The following SGCZ variants were observed in gnomAD, a reference collection of about 807,000 sequenced individuals.
SGCZ encodes the protein zeta-sarcoglycan.
A neutral mutation model predicts 41.3 loss-of-function variants in SGCZ; 40 were observed. The observed-to-expected ratio is 0.97, with a 90% CI of 0.75 to 1.26. The LOEUF is 1.26. SGCZ is among the 50% of genes most tolerant of loss of function. The probability of loss-of-function intolerance (pLI) is 0.00; values close to 1 mark genes in which losing one functional copy is unlikely to be tolerated. For missense variants in SGCZ, 552 were observed against 369.8 expected, an observed-to-expected ratio of 1.49 and a Z score of -4.04; for synonymous variants, 206 against 137.5, an observed-to-expected ratio of 1.50 and a Z score of -3.49.
intron 2 of SGCZ, among the ~76,000 whole-genome samples, chr8:14,509,008 G>C (rs183540916): frequency 6.6e-6 from 1 of 152,160 alleles, no homozygotes; most frequent in East Asian, 1.9e-4. Flanking sequence ...AGGTTTTTTA[G>C]TGTTAATATC....
At chr8:15,115,964 G>C (rs1451043582) in intron 1 of SGCZ, among the ~76,000 whole-genome samples, 2 of 152,186 alleles carry the variant, frequency 1.3e-5, no homozygotes, top group Non-Finnish European at 2.9e-5. Context: ...CACATAGAAA[G>C]TATTTTAGGT....
At chr8:14,266,685 CTT>C (rs1799879545) in intron 3 of SGCZ, among the ~76,000 whole-genome samples, 1 of 152,058 alleles carries the variant, frequency 6.6e-6, no homozygotes, top group Admixed American at 6.5e-5. Flanking sequence ...GGGTTTTTAT[CTT>C]ATCCTAAGCA....
intron 3 of SGCZ, among the ~76,000 whole-genome samples, chr8:14,305,082 T>C (rs1341590459): frequency 1.3e-5 from 2 of 152,196 alleles, no homozygotes; most frequent in Non-Finnish European, 2.9e-5. Flanking sequence ...TACAGTGTTT[T>C]AATATGTAAA....
intron 2 of SGCZ, among the ~76,000 whole-genome samples, chr8:14,380,347 C>T (rs1287781108): frequency 6.6e-6 from 1 of 152,042 alleles, no homozygotes; most frequent in African/African-American, 2.4e-5. Flanking sequence ...AGATAATCAC[C>T]TATATTTTTC....
intron 1 of SGCZ, among the ~76,000 whole-genome samples, chr8:14,915,694 G>C (rs562775987): frequency 6.6e-6 from 1 of 152,060 alleles, no homozygotes. Context: ...TGTTCCCTTC[G>C]TAGTAAATCA....
At chr8:14,158,747 A>G (rs372788738) in intron 5 of SGCZ, among the ~76,000 whole-genome samples, 2 of 152,230 alleles carry the variant, frequency 1.3e-5, no homozygotes, top group African/African-American at 4.8e-5. Context: ...CTTGCATACC[A>G]TATTCTATAT....
At chr8:14,390,332 CTATA>C (rs33928093) in intron 2 of SGCZ, among the ~76,000 whole-genome samples, 4,334 of 151,624 alleles carry the variant, frequency 0.029, 212 homozygotes, top group African/African-American at 0.097. Context: ...AAAATACGTA[CTATA>C]TTTACATTGC....
chr8:14,962,979 T>A (rs59462243), intron 1 of SGCZ, among the ~76,000 whole-genome samples: 1 of 152,314 alleles, frequency 6.6e-6, no homozygotes, highest in African/African-American at 2.4e-5. Context: ...GGGTTTACTT[T>A]AGGCAAAACT....
At chr8:14,488,497 C>T (rs1005107814) in intron 2 of SGCZ, among the ~76,000 whole-genome samples, 2 of 151,982 alleles carry the variant, frequency 1.3e-5, no homozygotes, top group South Asian at 4.1e-4. Context: ...TGCAATTGCC[C>T]CTTTGAGATG....
At position 14,545,125 on chromosome 8, in the gene SGCZ, G is replaced by T. The variant is rs532334227; in HGVS notation, c.234+9607C>A. Among the ~76,000 whole-genome samples the T allele has an allele frequency of 2.6e-5, 4 of 152,034 alleles. 1 individual carries two copies. The South Asian group carries it at 8.3e-4, about 32-fold the overall frequency. On this transcript the variant is annotated intron_variant, in intron 2 of 7. Coordinates refer to ENST00000382080, the MANE Select transcript of SGCZ (RefSeq NM_139167.4). Reference sequence around the variant, plus strand: ...TATTTCTCAGCCGGCTGACACTTATGGAAAATAGAAAGAACCTACATTGAA... The same window carrying T: ...TATTTCTCAGCCGGCTGACACTTATTGAAAATAGAAAGAACCTACATTGAA...
chr8:15,013,907 A>G (rs1475536950), intron 1 of SGCZ, among the ~76,000 whole-genome samples: 1 of 152,178 alleles, frequency 6.6e-6, no homozygotes, highest in Non-Finnish European at 1.5e-5. Flanking sequence ...AGCTAGATTC[A>G]TGCTTTCTCA....
intron 1 of SGCZ, among the ~76,000 whole-genome samples, chr8:14,838,130 G>C (rs937512156): frequency 3.9e-5 from 6 of 152,152 alleles, no homozygotes; most frequent in Admixed American, 2.0e-4. Flanking sequence ...ATGCGGGATA[G>C]AGAGAGTAGA....
At chr8:14,895,394 T>G (rs1805159992) in intron 1 of SGCZ, among the ~76,000 whole-genome samples, 1 of 152,158 alleles carries the variant, frequency 6.6e-6, no homozygotes, top group African/African-American at 2.4e-5. Context: ...CAATTACCAA[T>G]GCACATCTGT....
In SGCZ at chr8:14,605,059, G is replaced by C. The variant is rs561441578; in HGVS notation, c.40-50133C>G. 3.3e-5 allele frequency among the ~76,000 whole-genome samples: 5 copies of C among 152,164 alleles called. No individual in the cohort carries two copies. The South Asian group carries it at 1.0e-3, about 32-fold the overall frequency. On this transcript the variant is annotated intron_variant, in intron 1 of 7. Transcript: ENST00000382080. ...TCTCAGTAATTTGAGTCCATTATTTGTTTCTAACTAATCTCTTAATTTGGG... is the reference window on the plus strand; with the variant it reads ...TCTCAGTAATTTGAGTCCATTATTTCTTTCTAACTAATCTCTTAATTTGGG...
chr8:14,506,509 A>AG (rs1254650688), intron 2 of SGCZ, among the ~76,000 whole-genome samples: 5 of 151,976 alleles, frequency 3.3e-5, no homozygotes, highest in Non-Finnish European at 4.4e-5. Flanking sequence ...ATTTAAAAAA[A>AG]AAAAGTCAGT....
Position 14,688,123 on chromosome 8 carries a change from A to C in SGCZ, c.40-133197T>G, listed in dbSNP as rs565836299. Among the ~76,000 whole-genome samples, 294 of 151,944 alleles carry C rather than the reference A, an allele frequency of 1.9e-3. 3 individuals are homozygous for C. The highest frequency in any genetic ancestry group is 6.8e-3 in the African/African-American group (280 of 41,406). Reference sequence around the variant, plus strand: ...TTTGTCAGATGAGTAGGTTGCGAAAATTTTCTCCCATTTTGTAGGTTGCCT... The same window carrying C: ...TTTGTCAGATGAGTAGGTTGCGAAACTTTTCTCCCATTTTGTAGGTTGCCT... On this transcript the variant is annotated intron_variant, in intron 1 of 7. Coordinates refer to ENST00000382080, the MANE Select transcript of SGCZ (RefSeq NM_139167.4).
At chr8:14,917,410 C>T (rs1229190129) in intron 1 of SGCZ, among the ~76,000 whole-genome samples, 1 of 151,994 alleles carries the variant, frequency 6.6e-6, no homozygotes, top group African/African-American at 2.4e-5. Context: ...ATCCTGAATG[C>T]CAAATTCATT....
At chr8:15,142,001 G>C (rs536014305) in intron 1 of SGCZ, among the ~76,000 whole-genome samples, 37 of 152,300 alleles carry the variant, frequency 2.4e-4, no homozygotes, top group African/African-American at 8.7e-4. Flanking sequence ...GGCACCGGCT[G>C]CATCAAGAAA....
At chr8:14,260,376 A>G (rs12155676) in intron 3 of SGCZ, among the ~76,000 whole-genome samples, 49,291 of 139,268 alleles carry the variant, frequency 0.35, 10,088 homozygotes, top group Non-Finnish European at 0.48. Context: ...TCAGAGAAAT[A>G]CAAATCAAAA....
Sources: gnomAD v4.1 joint callset for allele counts (sites outside exome capture counted in the v4.1 genomes callset) on GRCh38, gnomAD v4.1.1 for gene constraint, MANE v1.5 for transcripts, NCBI Gene and HGNC (gene_info 2026-07-23, HGNC 2026-07-21) for gene names.